RIPOR2: variants seen among roughly 807,000 people sequenced by gnomAD.
The protein encoded by RIPOR2 is rho family-interacting cell polarization regulator 2.
RIPOR2 carries 39 observed loss-of-function variants against 114.5 expected under a neutral mutation model. That is an observed-to-expected ratio of 0.34 (90% CI 0.26 to 0.44). RIPOR2 has a LOEUF of 0.44. Ranked by LOEUF, RIPOR2 falls within the 20% of genes least tolerant of loss-of-function variation. The pLI is 1.00. For synonymous variants in RIPOR2, 445 were observed against 484.4 expected, an observed-to-expected ratio of 0.92 and a Z score of 1.07; for missense variants, 1,007 against 1,255.1, an observed-to-expected ratio of 0.80 and a Z score of 2.99.
rs112518515 is a variant in RIPOR2 at position 24,828,338 on chromosome 6, C to G, written c.2507-43G>C. 54 of 1,201,958 alleles carry G rather than the reference C, an allele frequency of 4.5e-5. No individual in the cohort carries two copies. In the African/African-American group the frequency reaches 6.5e-4, roughly 14 times the overall value. The allele number at this position is 1,201,958 out of a possible 1,614,324, so 74.5% of individuals were successfully genotyped here. On this transcript the variant is annotated intron_variant, in intron 17 of 21. Coordinates refer to ENST00000643898, the MANE Select transcript of RIPOR2 (RefSeq NM_001286445.3). Reference sequence around the variant, plus strand: ...ACACAAAGCAGCTTTAGATAGATGACCATTCATTCATTCATTCATTCAATA... The same window carrying G: ...ACACAAAGCAGCTTTAGATAGATGAGCATTCATTCATTCATTCATTCAATA...
Position 24,873,708 on chromosome 6 carries a change from G to T in RIPOR2, c.280C>A (p.Pro94Thr). ...MHNLGHKNNN[P>T]PKEPQPKRVE... ...CTTTTAGGCTGAGGCTCTTTGGGGG[G>T]ATTGTTGTTTTTGTGGCCTAAATTG... Residue 94 changes from proline to threonine, a missense_variant, in exon 3 of 22, where the codon CCC becomes ACC. By Grantham distance (38) the Pro-to-Thr change is conservative. Coordinates refer to ENST00000643898, the MANE Select transcript of RIPOR2 (RefSeq NM_001286445.3). 2.5e-6 allele frequency: 4 copies of T among 1,613,712 alleles called. No individual in the cohort carries two copies. Among genetic ancestry groups the T allele is most frequent in the Non-Finnish European group, 3.4e-6 (4 of 1,179,798 alleles).
chr6:24,994,653 G>T (rs1774969696), intron 1 of RIPOR2, among the ~76,000 whole-genome samples: 1 of 152,128 alleles, frequency 6.6e-6, no homozygotes, highest in African/African-American at 2.4e-5. Context: ...GACATGGTTT[G>T]GGGTGTCTGT....
chr6:24,990,219 A>G (rs1774742057), intron 1 of RIPOR2, among the ~76,000 whole-genome samples: 1 of 152,240 alleles, frequency 6.6e-6, no homozygotes, highest in Non-Finnish European at 1.5e-5. Flanking sequence ...CTTTTAGGCA[A>G]TAACGTCTCA....
At chr6:25,030,213 GA>G (rs936374850) in intron 1 of RIPOR2, among the ~76,000 whole-genome samples, 2 of 151,868 alleles carry the variant, frequency 1.3e-5, no homozygotes, top group Non-Finnish European at 2.9e-5. Flanking sequence ...CAATGTCAAA[GA>G]AAAAAATGTA....
In RIPOR2 at chr6:24,969,327, A is replaced by T. The variant is rs565713827; in HGVS notation, c.76+72524T>A. 9.8e-5 allele frequency among the ~76,000 whole-genome samples: 15 copies of T among 152,314 alleles called. No homozygotes were observed. The South Asian group carries it at 2.9e-3, about 29-fold the overall frequency. ...CTTAGAAATGCAGACTCTCAGGCCC[A>T]TTCCTGTTGAGCCACTGTGGGTGAG... On this transcript the variant is annotated intron_variant, in intron 1 of 13. Transcript: ENST00000510784.
chr6:24,983,756 C>CA (rs34480037), intron 1 of RIPOR2, among the ~76,000 whole-genome samples: 882 of 47,034 alleles, frequency 0.019, 82 homozygotes, highest in African/African-American at 0.039. Context: ...GACTGTGTCT[C>CA]AAAAAAAAAA....
chr6:25,033,207 CAAAAA>C (rs55686113), intron 1 of RIPOR2, among the ~76,000 whole-genome samples: 16 of 148,542 alleles, frequency 1.1e-4, no homozygotes, highest in African/African-American at 3.9e-4. Context: ...GATCTCATCT[CAAAAA>C]AAAAAAAAAG....
At position 24,872,885 on chromosome 6, in the gene RIPOR2, C is replaced by A; in HGVS notation, c.419G>T (p.Arg140Leu). 2 of 1,604,968 alleles carry A rather than the reference C, an allele frequency of 1.2e-6. No homozygotes were observed. Among genetic ancestry groups the A allele is most frequent in the East Asian group, 2.2e-5 (1 of 44,834 alleles). Residue 140 changes from arginine (R) to leucine (L), a missense_variant, in exon 4 of 22, where the codon CGC (arginine) becomes CTC (leucine). Physicochemically the swap from Arg to Leu is moderately radical, Grantham distance 102. Coordinates refer to ENST00000643898, the MANE Select transcript of RIPOR2 (RefSeq NM_001286445.3). ...TAATGACTGCATAGTACCTACCAGGCGAGAGTTTCTTTTCATATCTTTTAA... is the reference window on the plus strand; with the variant it reads ...TAATGACTGCATAGTACCTACCAGGAGAGAGTTTCTTTTCATATCTTTTAA... ...AQLKDMKRNS[R>L]LGVLYDLDKQ...
chr6:24,870,229 C>T (rs1319729370), intron 5 of RIPOR2, among the ~76,000 whole-genome samples: 1 of 152,110 alleles, frequency 6.6e-6, no homozygotes, highest in Admixed American at 6.5e-5. Context: ...TCAACAATGA[C>T]TCAGATTTGA....
intron 1 of RIPOR2, among the ~76,000 whole-genome samples, chr6:24,915,328 G>C (rs2114086466): frequency 6.6e-6 from 1 of 150,618 alleles, no homozygotes; most frequent in East Asian, 1.9e-4. Flanking sequence ...TTGCTGCTCT[G>C]ACCAATCTTT....
intron 1 of RIPOR2, among the ~76,000 whole-genome samples, chr6:24,906,799 G>A (rs1581767589): frequency 3.3e-5 from 5 of 152,082 alleles, no homozygotes; most frequent in African/African-American, 1.2e-4. Context: ...ACCATGTCTG[G>A]CTAATTTTTC....
rs542091051 is a variant in RIPOR2, at chr6:25,021,055, C to T, written c.76+20796G>A. On this transcript the variant is annotated intron_variant, in intron 1 of 13. Transcript: ENST00000510784. The stretch of plus-strand genomic sequence containing the variant: ...TGTATTTTTAGTAGAGAAGGGGTTT[C>T]ACTGTGTTGGCCAGGCTGGTCTCGA... Among the ~76,000 whole-genome samples the T allele has an allele frequency of 3.9e-5, 6 of 152,156 alleles. No individual in the cohort carries two copies. The South Asian group carries it at 1.2e-3, about 32-fold the overall frequency.
At chr6:24,888,962 C>T (rs1349708746) in intron 1 of RIPOR2, among the ~76,000 whole-genome samples, 1 of 152,190 alleles carries the variant, frequency 6.6e-6, no homozygotes, top group Admixed American at 6.5e-5. Flanking sequence ...GGTAAAGCAA[C>T]GGACTTAAAA....
At chr6:24,918,391 CTTTAA>C (rs1431613502) in intron 1 of RIPOR2, among the ~76,000 whole-genome samples, 3 of 152,024 alleles carry the variant, frequency 2.0e-5, no homozygotes, top group Non-Finnish European at 4.4e-5. Flanking sequence ...CAGGTAGCTC[CTTTAA>C]TTTAATTTAA....
Position 24,978,017 on chromosome 6 carries a change from C to A in RIPOR2, c.76+63834G>T, listed in dbSNP as rs368340308. Among the ~76,000 whole-genome samples, 5 of 152,276 alleles carry A rather than the reference C, an allele frequency of 3.3e-5. No individual in the cohort carries two copies. The East Asian group carries it at 5.8e-4, about 18-fold the overall frequency. The stretch of plus-strand genomic sequence containing the variant: ...GAAAAGCAGCATTCAGTCTGTTAAG[C>A]TGTGTGAATTGAAGCTTTCCTGCAA... On this transcript the variant is annotated intron_variant, in intron 1 of 13. Transcript: ENST00000510784.
At position 24,843,188 on chromosome 6, in the gene RIPOR2, A is replaced by G. The variant is rs1761900111; in HGVS notation, c.1531T>C (p.Phe511Leu). The change falls in exon 13 of 22, where the codon TTC (phenylalanine) becomes CTC (leucine). Residue 511 changes from phenylalanine to leucine, a missense_variant. Physicochemically the swap from Phe to Leu is conservative, Grantham distance 22 (BLOSUM62 0). Coordinates refer to ENST00000643898, the MANE Select transcript of RIPOR2 (RefSeq NM_001286445.3). ...GCTTCTGCAACATCATTCTCAAGGA[A>G]CAGGTGCTCAGCCCCAGCACCTGAG... is the stretch of plus-strand genomic sequence containing the variant. ...QSSGAGAEHL[F>L]LENDVAEALL... The G allele has an allele frequency of 6.2e-7, 1 of 1,614,002 alleles. No homozygotes were observed. The highest frequency in any genetic ancestry group is 8.5e-7 in the Non-Finnish European group (1 of 1,179,880).
chr6:24,863,070 A>C (rs1764234030), intron 7 of RIPOR2, among the ~76,000 whole-genome samples: 1 of 152,054 alleles, frequency 6.6e-6, no homozygotes, highest in South Asian at 2.1e-4. Flanking sequence ...CTCCTGCCTC[A>C]GCCTCACGAG....
intron 1 of RIPOR2, among the ~76,000 whole-genome samples, chr6:24,988,188 T>C (rs1433476698): frequency 6.6e-6 from 1 of 152,024 alleles, no homozygotes; most frequent in Non-Finnish European, 1.5e-5. Context: ...AATAGCTTCT[T>C]TTTTTTTATT....
intron 1 of RIPOR2, among the ~76,000 whole-genome samples, chr6:24,976,221 C>T (rs748792605): frequency 6.6e-6 from 1 of 151,934 alleles, no homozygotes; most frequent in Non-Finnish European, 1.5e-5. Flanking sequence ...TTTATAATGA[C>T]AAAAATTGCC....
Sources: gnomAD v4.1 joint callset for allele counts (sites outside exome capture counted in the v4.1 genomes callset) on GRCh38, gnomAD v4.1.1 for gene constraint, MANE v1.5 for transcripts, NCBI Gene and HGNC (gene_info 2026-07-23, HGNC 2026-07-21) for gene names.